ARSK: variants seen among roughly 807,000 people sequenced by gnomAD.
ARSK encodes arylsulfatase K.
A neutral mutation model predicts 53.2 loss-of-function variants in ARSK; 37 were observed. The ratio of observed to expected loss-of-function variants is 0.70; its 90% confidence interval spans 0.54 to 0.92. ARSK has a LOEUF of 0.92. Ranked by LOEUF, ARSK falls within the 40% of genes least tolerant of loss-of-function variation. The pLI is 0.00. For missense variants in ARSK, 613 were observed against 643.0 expected (o/e 0.95, Z 0.51); for synonymous variants, 208 against 223.2 (o/e 0.93, Z 0.61).
Position 95,603,317 on chromosome 5 carries a change from C to T in ARSK, c.1402C>T (p.His468Tyr). ...EITYSLDQKL[H>Y]SIINYPKVSA... ...TACTTATTCTTTGGATCAGAAGCTTCATTCCATTATAAACTACCCTAAAGT... is the reference window on the plus strand; with the variant it reads ...TACTTATTCTTTGGATCAGAAGCTTTATTCCATTATAAACTACCCTAAAGT... Residue 468 changes from histidine to tyrosine, a missense_variant, in exon 8 of 8, where the codon CAT becomes TAT. Physicochemically the swap from His to Tyr is moderately conservative, Grantham distance 83. Transcript: ENST00000380009. 6.2e-7 allele frequency: 1 copy of T among 1,609,100 alleles called. No homozygotes were observed. Among genetic ancestry groups the T allele is most frequent in the Non-Finnish European group, 8.5e-7 (1 of 1,177,760 alleles).
Position 95,583,087 on chromosome 5 carries a change from A to G in ARSK, c.588A>G (p.Glu196=). Residue 196 remains glutamate (E), a synonymous_variant, in exon 4 of 8, where the codon GAA becomes GAG. Transcript: ENST00000380009. ...WLRKEAINYT[E]PFVIYLGLNL... is the part of the protein sequence containing the mutation. ...GAAAGGAAGCAATTAATTACACTGA[A>G]CCATTTGTTATTTACTTGGGATTAA... The G allele has an allele frequency of 6.2e-7, 1 of 1,613,638 alleles. No individual in the cohort carries two copies. Among genetic ancestry groups the G allele is most frequent in the Non-Finnish European group, 8.5e-7 (1 of 1,179,678 alleles).
At chr5:95,562,448 T>C (rs79400062) in intron 1 of ARSK, among the ~76,000 whole-genome samples, 1 of 152,136 alleles carries the variant, frequency 6.6e-6, no homozygotes, top group African/African-American at 2.4e-5. Flanking sequence ...GATGGACAGA[T>C]CTGGGAAGAA....
chr5:95,558,323 A>G (rs535917952), intron 1 of ARSK, among the ~76,000 whole-genome samples: 1 of 152,296 alleles, frequency 6.6e-6, no homozygotes, highest in East Asian at 1.9e-4. Context: ...TGAGAAGACC[A>G]AACAAGCTTC....
At chr5:95,596,419 G>C (rs1232275807) in intron 6 of ARSK, among the ~76,000 whole-genome samples, 1 of 152,098 alleles carries the variant, frequency 6.6e-6, no homozygotes, top group Non-Finnish European at 1.5e-5. Flanking sequence ...TACACACACA[G>C]AGGAGAGGCT....
intron 5 of ARSK, among the ~76,000 whole-genome samples, chr5:95,587,099 T>G (rs1265938267): frequency 1.3e-5 from 2 of 152,164 alleles, no homozygotes; most frequent in East Asian, 3.8e-4. Context: ...ATGAGAAAAT[T>G]TACTTGTAGA....
chr5:95,579,848 G>T (rs779320990), intron 3 of ARSK, among the ~76,000 whole-genome samples: 1 of 152,150 alleles, frequency 6.6e-6, no homozygotes, highest in Non-Finnish European at 1.5e-5. Flanking sequence ...TTCAAGATAG[G>T]TATGCTCCAT....
chr5:95,561,838 C>T (rs939758184), intron 1 of ARSK, among the ~76,000 whole-genome samples: 8 of 152,182 alleles, frequency 5.3e-5, no homozygotes, highest in Non-Finnish European at 1.2e-4. Context: ...TTTCTGAATA[C>T]ACTAAAAACC....
chr5:95,600,994 C>T lies in ARSK; in HGVS notation c.1244C>T (p.Ser415Phe), dbSNP rs1749392331. 1 of 1,613,970 alleles carries T rather than the reference C, an allele frequency of 6.2e-7. No individual in the cohort carries two copies. ...TTCCATGGATGTAATGTGAATGCCT[C>T]CACCTACATGCTTCGAACTAACCAC... ...SEFHGCNVNA[S>F]TYMLRTNHWK... Residue 415 changes from serine to phenylalanine, a missense_variant, in exon 7 of 8, where the codon TCC becomes TTC. Ser to Phe is a radical substitution (Grantham distance 155). Transcript: ENST00000380009.
chr5:95,592,557 T>TTG (rs1554055240), intron 6 of ARSK, among the ~76,000 whole-genome samples: 6 of 152,038 alleles, frequency 3.9e-5, no homozygotes, highest in Non-Finnish European at 8.8e-5. Flanking sequence ...CTCTTTTTTT[T>TTG]TGTGTGTGTG....
At position 95,586,566 on chromosome 5, in the gene ARSK, C is replaced by T. The variant is rs376640045; in HGVS notation, c.704C>T (p.Ser235Phe). Residue 235 changes from serine (S) to phenylalanine (F), a missense_variant, in exon 5 of 8, where the codon TCT becomes TTT. Ser to Phe is a radical substitution (Grantham distance 155). Coordinates refer to ENST00000380009, the MANE Select transcript of ARSK (RefSeq NM_198150.3). ...AGTTTTTTCTCCCCTTTTTAGGTGTCTCATGATGCCATCAAAATCCCAAAG... is the reference window on the plus strand; with the variant it reads ...AGTTTTTTCTCCCCTTTTTAGGTGTTTCATGATGCCATCAAAATCCCAAAG... ...HTSLYWLEKV[S>F]HDAIKIPKWS... 9 of 1,610,494 alleles carry T rather than the reference C, an allele frequency of 5.6e-6. No individual in the cohort carries two copies. The South Asian group carries it at 1.0e-4, about 18-fold the overall frequency.
At chr5:95,581,281 C>T (rs927354522) in intron 3 of ARSK, among the ~76,000 whole-genome samples, 2 of 152,100 alleles carry the variant, frequency 1.3e-5, no homozygotes, top group Non-Finnish European at 2.9e-5. Flanking sequence ...AAGGAGAAGG[C>T]ATAAATTTAT....
chr5:95,558,229 C>T (rs78828817), intron 1 of ARSK, among the ~76,000 whole-genome samples: 3,384 of 152,214 alleles, frequency 0.022, 94 homozygotes, highest in African/African-American at 0.063. Context: ...ATGCCAAGTG[C>T]GGAAAGTTGA....
In ARSK at chr5:95,579,353, G is replaced by C. The variant is rs112901011; in HGVS notation, c.417-3563G>C. On this transcript the variant is annotated intron_variant, in intron 3 of 7. Transcript: ENST00000380009. ...TGGACTCACAGTTCCATGTGGCTTG[G>C]GAGGCCTCACAGTCATGGTGGAAGG... Among the ~76,000 whole-genome samples the C allele has an allele frequency of 8.0e-3, 1,213 of 152,278 alleles. 17 individuals are homozygous for C. The highest frequency in any genetic ancestry group is 0.027 in the African/African-American group (1,122 of 41,544).
intron 2 of ARSK, among the ~76,000 whole-genome samples, chr5:95,566,398 G>A (rs1374806644): frequency 5.9e-5 from 9 of 152,046 alleles, no homozygotes; most frequent in Admixed American, 5.9e-4. Context: ...GAATCTTTTG[G>A]CCATCCAAGA....
chr5:95,579,332 C>T lies in ARSK; in HGVS notation c.417-3584C>T, dbSNP rs1338206263. Among the ~76,000 whole-genome samples, 4 of 152,198 alleles carry T rather than the reference C, an allele frequency of 2.6e-5. No homozygotes were observed. The East Asian group carries it at 5.8e-4, about 22-fold the overall frequency. Reference sequence around the variant, plus strand: ...TAGAAAGAAAAAGAGGTTTAATGGACTCACAGTTCCATGTGGCTTGGGAGG... The same window carrying T: ...TAGAAAGAAAAAGAGGTTTAATGGATTCACAGTTCCATGTGGCTTGGGAGG... On this transcript the variant is annotated intron_variant, in intron 3 of 7. Transcript: ENST00000380009.
intron 5 of ARSK, 57 bp from the exon 6 acceptor site, chr5:95,591,344 G>A: frequency 7.0e-7 from 1 of 1,419,398 alleles, no homozygotes; most frequent in South Asian, 1.2e-5. Flanking sequence ...AACTTAATGT[G>A]ATAGAATAAA....
intron 3 of ARSK, chr5:95,580,854 T>C: frequency 8.2e-7 from 1 of 1,213,742 alleles, no homozygotes; most frequent in Non-Finnish European, 1.1e-6. Flanking sequence ...TCTTCCTCAC[T>C]AATTTGCAAA....
At chr5:95,567,369 T>C (rs1213495015) in intron 2 of ARSK, among the ~76,000 whole-genome samples, 2 of 152,176 alleles carry the variant, frequency 1.3e-5, no homozygotes, top group Non-Finnish European at 2.9e-5. Context: ...TCTATTTATG[T>C]ACACAGAAAT....
chr5:95,595,970 A>C (rs948849025), intron 6 of ARSK, among the ~76,000 whole-genome samples: 1 of 152,218 alleles, frequency 6.6e-6, no homozygotes, highest in Admixed American at 6.5e-5. Context: ...TACTGTGTCC[A>C]TCTAATTTAC....
Sources: gnomAD v4.1 joint callset for allele counts (sites outside exome capture counted in the v4.1 genomes callset) on GRCh38, gnomAD v4.1.1 for gene constraint, MANE v1.5 for transcripts, NCBI Gene and HGNC (gene_info 2026-07-23, HGNC 2026-07-21) for gene names.